The following SRBD1 variants were observed in gnomAD, a reference collection of about 807,000 sequenced individuals.
SRBD1 encodes S1 RNA binding domain 1, also known as S1 RNA-binding domain-containing protein 1.
In SRBD1, 88 loss-of-function variants were observed where a neutral mutation model predicts 115.3. The observed-to-expected ratio is 0.76, with a 90% CI of 0.64 to 0.91. SRBD1 has a LOEUF of 0.91. Ranked by LOEUF, SRBD1 falls within the 40% of genes least tolerant of loss-of-function variation. The pLI is 0.00. For missense variants in SRBD1, 1,385 were observed against 1,177.4 expected (o/e 1.18, Z -2.58); for synonymous variants, 509 against 407.7 (o/e 1.25, Z -2.99).
intron 19 of SRBD1, among the ~76,000 whole-genome samples, chr2:45,409,125 G>A (rs1177727533): frequency 3.9e-5 from 6 of 152,122 alleles, no homozygotes. Flanking sequence ...TTGGGGCTGA[G>A]GTGGGAGGAT....
rs199846607 is a variant in SRBD1, at chr2:45,440,084, T to TA, written c.2050-20191dup. On this transcript the variant is annotated intron_variant, in intron 16 of 20. Transcript: ENST00000263736. The stretch of plus-strand genomic sequence containing the variant: ...GCATAGCTTCTGTAGACCACATAGG[T>TA]AGTCAGTTAATGACACAAGCTTGCT... Among the ~76,000 whole-genome samples, 1,221 of 152,292 alleles carry TA rather than the reference T, an allele frequency of 8.0e-3. 13 individuals are homozygous for TA. Among genetic ancestry groups the TA allele is most frequent in the African/African-American group, 0.027 (1,128 of 41,560 alleles).
At chr2:45,530,266 T>G (rs1423430599) in intron 14 of SRBD1, among the ~76,000 whole-genome samples, 2 of 152,040 alleles carry the variant, frequency 1.3e-5, no homozygotes, top group Non-Finnish European at 2.9e-5. Context: ...AGTAATATCT[T>G]ACGATCCTTG....
intron 19 of SRBD1, among the ~76,000 whole-genome samples, chr2:45,409,263 T>C (rs564768487): frequency 1.3e-5 from 2 of 151,976 alleles, no homozygotes; most frequent in East Asian, 3.9e-4. Flanking sequence ...CAAAAAAAGA[T>C]AGTGATTTGC....
intron 14 of SRBD1, among the ~76,000 whole-genome samples, chr2:45,523,310 T>C (rs1038124642): frequency 6.0e-5 from 8 of 134,388 alleles, no homozygotes; most frequent in African/African-American, 1.9e-4. Flanking sequence ...AAACCTAAAG[T>C]AGGCAGAAGG....
At chr2:45,603,401 C>T (rs1313158775) in intron 2 of SRBD1, among the ~76,000 whole-genome samples, 1 of 152,182 alleles carries the variant, frequency 6.6e-6, no homozygotes, top group Non-Finnish European at 1.5e-5. Context: ...GGCAGCTTCT[C>T]TTTAGCCCCT....
At chr2:45,518,849 A>T (rs961769540) in intron 14 of SRBD1, among the ~76,000 whole-genome samples, 8 of 152,150 alleles carry the variant, frequency 5.3e-5, no homozygotes, top group Admixed American at 2.0e-4. Context: ...AAACTGCCAA[A>T]ACATGTACTG....
chr2:45,597,951 C>T (rs1328345257), intron 4 of SRBD1, among the ~76,000 whole-genome samples: 1 of 152,168 alleles, frequency 6.6e-6, no homozygotes, highest in African/African-American at 2.4e-5. Context: ...TTAACTTCCT[C>T]CTGCACACTG....
At chr2:45,517,747 C>T (rs1320093789) in intron 14 of SRBD1, among the ~76,000 whole-genome samples, 1 of 152,156 alleles carries the variant, frequency 6.6e-6, no homozygotes, top group African/African-American at 2.4e-5. Context: ...ATAATCCCAG[C>T]ACTTTAGAAG....
At chr2:45,578,388 TAC>T (rs769899425) in intron 7 of SRBD1, among the ~76,000 whole-genome samples, 1 of 152,236 alleles carries the variant, frequency 6.6e-6, no homozygotes, top group Non-Finnish European at 1.5e-5. Context: ...ACTTGAATTT[TAC>T]TCATTTCAAC....
At chr2:45,484,039 A>T (rs970658920) in intron 15 of SRBD1, among the ~76,000 whole-genome samples, 2 of 150,226 alleles carry the variant, frequency 1.3e-5, no homozygotes, top group Non-Finnish European at 3.0e-5. Flanking sequence ...CAAATAAATA[A>T]TTTTTTTTTT....
intron 14 of SRBD1, among the ~76,000 whole-genome samples, chr2:45,516,231 T>C (rs1429643337): frequency 3.3e-5 from 5 of 152,154 alleles, no homozygotes; most frequent in Admixed American, 3.3e-4. Context: ...ATTCCAAACA[T>C]GTAAACAAAA....
chr2:45,527,675 A>G (rs1671490163), intron 14 of SRBD1, among the ~76,000 whole-genome samples: 1 of 151,898 alleles, frequency 6.6e-6, no homozygotes, highest in Admixed American at 6.6e-5. Flanking sequence ...ATCTTCAAGA[A>G]AACCCTACGA....
chr2:45,406,597 T>C (rs561719786), intron 19 of SRBD1, among the ~76,000 whole-genome samples: 32 of 152,256 alleles, frequency 2.1e-4, no homozygotes, highest in African/African-American at 7.5e-4. Context: ...ACTCCTCTCC[T>C]AAAATAAGAC....
chr2:45,599,121 T>TA (rs1353466901), intron 4 of SRBD1, among the ~76,000 whole-genome samples: 1 of 152,118 alleles, frequency 6.6e-6, no homozygotes, highest in African/African-American at 2.4e-5. Flanking sequence ...TATAGGAAAA[T>TA]ACAGTCCAAG....
chr2:45,456,496 A>G (rs770088697), intron 16 of SRBD1, among the ~76,000 whole-genome samples: 4 of 151,938 alleles, frequency 2.6e-5, no homozygotes, highest in Non-Finnish European at 5.9e-5. Context: ...AGGGACAGAA[A>G]ATATTAATGG....
intron 1 of SRBD1, among the ~76,000 whole-genome samples, chr2:45,607,683 C>T (rs7578254): frequency 0.063 from 9,587 of 151,964 alleles, 465 homozygotes; most frequent in African/African-American, 0.13. Flanking sequence ...AAAGGTGAAA[C>T]GGGTTAGGGC....
Position 45,421,837 on chromosome 2 carries a change from T to C in SRBD1, c.2050-1943A>G, listed in dbSNP as rs568549498. 1.3e-4 allele frequency among the ~76,000 whole-genome samples: 20 copies of C among 152,320 alleles called. No homozygotes were observed. In the East Asian group the frequency reaches 2.1e-3, roughly 16 times the overall value. On this transcript the variant is annotated intron_variant, in intron 16 of 20. Coordinates refer to ENST00000263736, the MANE Select transcript of SRBD1 (RefSeq NM_018079.5). ...ACTTCTGTATTTCAGAGATAACTTA[T>C]TGGTAACTAGCCAGGCCGCAGCTAA...
intron 14 of SRBD1, among the ~76,000 whole-genome samples, chr2:45,494,595 T>TG (rs1670399130): frequency 2.0e-5 from 3 of 152,228 alleles, no homozygotes; most frequent in African/African-American, 7.2e-5. Context: ...AAAAAAATCT[T>TG]ATAAGAAAAT....
chr2:45,592,642 A>G (rs1037873261), intron 4 of SRBD1, among the ~76,000 whole-genome samples: 26 of 152,304 alleles, frequency 1.7e-4, no homozygotes, highest in African/African-American at 5.8e-4. Flanking sequence ...AGACCCTTAC[A>G]GATTTGACAT....
Sources: allele counts gnomAD v4.1 joint callset (sites outside exome capture counted in the v4.1 genomes callset), GRCh38; gene constraint gnomAD v4.1.1; transcripts MANE v1.5; gene names NCBI Gene and HGNC (gene_info 2026-07-23, HGNC 2026-07-21).